LIMA1: variants seen among roughly 807,000 people sequenced by gnomAD.
The protein encoded by LIMA1 is LIM domain and actin-binding protein 1.
In LIMA1, 52 loss-of-function variants were observed where a neutral mutation model predicts 62.6. The observed-to-expected ratio is 0.83, with a 90% CI of 0.67 to 1.05. The LOEUF is 1.05. Ranked by LOEUF, LIMA1 falls within the 50% of genes least tolerant of loss-of-function variation. The pLI is 0.00. For missense variants in LIMA1, 780 were observed against 902.2 expected (o/e 0.86, Z 1.74); for synonymous variants, 302 against 317.8 (o/e 0.95, Z 0.53).
intron 2 of LIMA1, among the ~76,000 whole-genome samples, chr12:50,243,020 A>T (rs1364488496): frequency 7.9e-5 from 12 of 152,230 alleles, no homozygotes; most frequent in Admixed American, 7.9e-4. Flanking sequence ...GAAGGATCAT[A>T]TTATGCTGAA....
intron 1 of LIMA1, chr12:50,249,951 CAG>C (rs1000632988): frequency 3.9e-5 from 6 of 152,100 alleles, no homozygotes; most frequent in African/African-American, 9.7e-5. Context: ...CTGTAGAACA[CAG>C]AGAGTATTTA....
At chr12:50,282,340 G>A (rs926183608) in intron 1 of LIMA1, among the ~76,000 whole-genome samples, 2 of 152,100 alleles carry the variant, frequency 1.3e-5, no homozygotes, top group African/African-American at 2.4e-5. Flanking sequence ...AAGGTACTGT[G>A]TTAAACCATT....
At chr12:50,207,522 C>T (rs552886315) in intron 4 of LIMA1, among the ~76,000 whole-genome samples, 74 of 152,252 alleles carry the variant, frequency 4.9e-4, no homozygotes, top group African/African-American at 1.7e-3. Flanking sequence ...ACTTAGCACC[C>T]TTTTGAATTT....
chr12:50,263,615 G>A (rs1057064044), intron 1 of LIMA1, among the ~76,000 whole-genome samples: 1 of 151,734 alleles, frequency 6.6e-6, no homozygotes, highest in African/African-American at 2.4e-5. Context: ...CTTATTGTGG[G>A]GTATAGTTAA....
intron 3 of LIMA1, among the ~76,000 whole-genome samples, chr12:50,225,555 A>G (rs558248617): frequency 2.9e-4 from 44 of 152,162 alleles, no homozygotes; most frequent in African/African-American, 1.0e-3. Flanking sequence ...GAAATCTTCA[A>G]TCTTTTTTTC....
At chr12:50,256,070 A>G (rs1007737231) in intron 1 of LIMA1, among the ~76,000 whole-genome samples, 1 of 150,036 alleles carries the variant, frequency 6.7e-6, no homozygotes. Flanking sequence ...TTTTTTTTGT[A>G]TTTTTAGTAG....
chr12:50,219,926 T>C (rs898351905), intron 4 of LIMA1, among the ~76,000 whole-genome samples: 1 of 151,902 alleles, frequency 6.6e-6, no homozygotes, highest in African/African-American at 2.4e-5. Flanking sequence ...GCACAAGCAA[T>C]CCTCCTGCCT....
At chr12:50,179,761 G>T (rs1406418791) in intron 10 of LIMA1, among the ~76,000 whole-genome samples, 8 of 149,084 alleles carry the variant, frequency 5.4e-5, no homozygotes. Flanking sequence ...TTTTTTTTGA[G>T]TGGAGGTCTT....
chr12:50,191,565 T>C (rs889821360), intron 9 of LIMA1, among the ~76,000 whole-genome samples: 1 of 149,250 alleles, frequency 6.7e-6, no homozygotes, highest in African/African-American at 2.5e-5. Flanking sequence ...TTCACGCCTG[T>C]AATCCCAGCA....
chr12:50,181,112 CA>C (rs35433011), intron 10 of LIMA1, among the ~76,000 whole-genome samples: 322 of 71,102 alleles, frequency 4.5e-3, no homozygotes, highest in East Asian at 0.012. Context: ...ACTCTGTATC[CA>C]AAAAAAAAAA....
chr12:50,266,323 C>G (rs962737249), intron 1 of LIMA1, among the ~76,000 whole-genome samples: 2 of 152,178 alleles, frequency 1.3e-5, no homozygotes, highest in Non-Finnish European at 2.9e-5. Context: ...GATGAGAAAA[C>G]TGAGGCACAG....
At chr12:50,181,035 T>C (rs576600656) in intron 10 of LIMA1, among the ~76,000 whole-genome samples, 10 of 143,088 alleles carry the variant, frequency 7.0e-5, no homozygotes, top group Non-Finnish European at 1.2e-4. Flanking sequence ...TCGCTTGAAC[T>C]CAGGAGGTAG....
At chr12:50,272,802 C>T (rs1942229402) in intron 1 of LIMA1, among the ~76,000 whole-genome samples, 1 of 151,614 alleles carries the variant, frequency 6.6e-6, no homozygotes, top group African/African-American at 2.4e-5. Context: ...AATCCCAGCA[C>T]TTTGGGAGGC....
chr12:50,195,997 A>ATAAAAAC, intron 7 of LIMA1, 110 bp from the exon 8 acceptor site: 1 of 1,119,596 alleles, frequency 8.9e-7, no homozygotes, highest in Non-Finnish European at 1.2e-6. Context: ...CCAGTCAGTC[A>ATAAAAAC]CTGGCTGCCT....
At chr12:50,274,557 G>A (rs1942253527) in intron 1 of LIMA1, among the ~76,000 whole-genome samples, 2 of 151,936 alleles carry the variant, frequency 1.3e-5, no homozygotes, top group South Asian at 4.1e-4. Context: ...ACTCCACCCT[G>A]GGTGACAGAG....
At chr12:50,187,315 AG>A (rs1940653679) in intron 9 of LIMA1, 1 of 152,204 alleles carries the variant, frequency 6.6e-6, no homozygotes, top group Admixed American at 6.5e-5. Flanking sequence ...ACATAGTGAA[AG>A]AAGATGAAAA....
chr12:50,253,601 GGTGA>G (rs1432127095), intron 1 of LIMA1, among the ~76,000 whole-genome samples: 2 of 152,266 alleles, frequency 1.3e-5, no homozygotes, highest in East Asian at 1.9e-4. Context: ...AGAGAATAGT[GGTGA>G]GTATCTTCCC....
intron 4 of LIMA1, among the ~76,000 whole-genome samples, chr12:50,213,018 T>C (rs1181468640): frequency 6.6e-6 from 1 of 152,194 alleles, no homozygotes; most frequent in African/African-American, 2.4e-5. Context: ...TTTTGCCATG[T>C]TGGCCAGGCT....
At chr12:50,212,596 A>G (rs1343559283) in intron 4 of LIMA1, among the ~76,000 whole-genome samples, 2 of 152,100 alleles carry the variant, frequency 1.3e-5, no homozygotes, top group Non-Finnish European at 2.9e-5. Flanking sequence ...TAGTCTTACA[A>G]TTAGGAAAAG....
Sources: gnomAD v4.1 joint callset for allele counts (sites outside exome capture counted in the v4.1 genomes callset) on GRCh38, gnomAD v4.1.1 for gene constraint, MANE v1.5 for transcripts, NCBI Gene and HGNC (gene_info 2026-07-23, HGNC 2026-07-21) for gene names.